NAV2: variants seen among roughly 807,000 people sequenced by gnomAD.
The protein encoded by NAV2 is helicase, APC down-regulated 1.
Under a neutral mutation model 223.2 loss-of-function variants are expected in NAV2, and 54 were observed. The ratio of observed to expected loss-of-function variants is 0.24; its 90% CI spans 0.19 to 0.30. The LOEUF (loss-of-function observed/expected upper bound fraction) is 0.30. Ranked by LOEUF, NAV2 falls within the 10% of genes least tolerant of loss-of-function variation. NAV2 has a pLI of 1.00. For missense variants in NAV2, 2,806 were observed against 3,147.5 expected, an observed-to-expected ratio of 0.89 and a Z score of 2.60; for synonymous variants, 1,279 against 1,239.3, an observed-to-expected ratio of 1.03 and a Z score of -0.67.
At chr11:19,692,212 T>A (rs772265513) in intron 1 of NAV2, among the ~76,000 whole-genome samples, 11 of 152,088 alleles carry the variant, frequency 7.2e-5, no homozygotes, top group Non-Finnish European at 1.2e-4. Flanking sequence ...ACCACCGGGG[T>A]TGCGGGTGTT....
chr11:20,094,053 A>G (rs551774700), intron 29 of NAV2, among the ~76,000 whole-genome samples: 35 of 152,226 alleles, frequency 2.3e-4, no homozygotes, highest in African/African-American at 8.4e-4. Flanking sequence ...TAGGGGATTC[A>G]GCTTTGCGGC....
chr11:19,700,444 G>A (rs979469537), intron 1 of NAV2, among the ~76,000 whole-genome samples: 1 of 152,124 alleles, frequency 6.6e-6, no homozygotes. Context: ...ACCAGCAGAG[G>A]TAAGAAACTG....
At chr11:19,547,664 A>T (rs1326655987) in intron 1 of NAV2, among the ~76,000 whole-genome samples, 2 of 151,888 alleles carry the variant, frequency 1.3e-5, no homozygotes, top group African/African-American at 2.4e-5. Context: ...AATGGAAGGG[A>T]GTGGGGGCTG....
intron 11 of NAV2, among the ~76,000 whole-genome samples, chr11:20,009,097 T>C (rs1416485921): frequency 6.6e-6 from 1 of 152,106 alleles, no homozygotes; most frequent in African/African-American, 2.4e-5. Context: ...GGCTAGGAAT[T>C]TGGAATTCCT....
At chr11:19,889,454 C>T (rs1007127229) in intron 5 of NAV2, among the ~76,000 whole-genome samples, 1 of 152,184 alleles carries the variant, frequency 6.6e-6, no homozygotes, top group Non-Finnish European at 1.5e-5. Flanking sequence ...GCTGTCCTGA[C>T]TAGAGTGTAG....
At chr11:19,427,670 C>T (rs999623333) in intron 1 of NAV2, among the ~76,000 whole-genome samples, 1 of 152,092 alleles carries the variant, frequency 6.6e-6, no homozygotes, top group African/African-American at 2.4e-5. Context: ...ACAGCCATGC[C>T]AACAGTGTAT....
intron 4 of NAV2, among the ~76,000 whole-genome samples, chr11:19,871,892 G>A (rs891235374): frequency 2.6e-5 from 4 of 152,120 alleles, no homozygotes; most frequent in African/African-American, 9.7e-5. Context: ...TTGACTTCAA[G>A]GGGCCCAAGG....
intron 10 of NAV2, among the ~76,000 whole-genome samples, chr11:19,983,827 T>C (rs747469428): frequency 6.6e-5 from 10 of 152,250 alleles, no homozygotes; most frequent in African/African-American, 2.4e-4. Context: ...CATGAATCCA[T>C]GTGACAGTTA....
rs748748011 is a variant in NAV2 at position 19,577,480 on chromosome 11, C to T, written c.75+226453C>T. Among the ~76,000 whole-genome samples the T allele has an allele frequency of 7.9e-5, 12 of 152,374 alleles. No homozygotes were observed. In the South Asian group the frequency reaches 8.3e-4, roughly 11 times the overall value. On this transcript the variant is annotated intron_variant, in intron 1 of 37. Transcript: ENST00000360655. ...CCACCTGGCCTCTGGGCCCTGACCC[C>T]GGCTCCTCCTGGGCCCCCTAGATGC... is the stretch of plus-strand genomic sequence containing the variant.
At chr11:20,002,039 C>A (rs1227182676) in intron 11 of NAV2, among the ~76,000 whole-genome samples, 2 of 152,128 alleles carry the variant, frequency 1.3e-5, no homozygotes, top group East Asian at 3.9e-4. Flanking sequence ...TGGTCGAGTT[C>A]TGATGAAGGC....
chr11:19,895,196 G>C (rs2041874304), intron 6 of NAV2, among the ~76,000 whole-genome samples: 1 of 136,444 alleles, frequency 7.3e-6, no homozygotes, highest in Non-Finnish European at 1.5e-5. Flanking sequence ...CCTGCCAAGT[G>C]GCTGGGATTA....
intron 1 of NAV2, among the ~76,000 whole-genome samples, chr11:19,656,116 G>A (rs985780932): frequency 6.6e-6 from 1 of 152,170 alleles, no homozygotes; most frequent in Non-Finnish European, 1.5e-5. Flanking sequence ...ATCTTGCTGT[G>A]CTATGGTTAT....
intron 1 of NAV2, among the ~76,000 whole-genome samples, chr11:19,394,752 G>A (rs10766547): frequency 0.61 from 92,589 of 151,976 alleles, 30,600 homozygotes; most frequent in Admixed American, 0.75. Flanking sequence ...AAACAGTGTG[G>A]GTAAAACCCC....
chr11:19,889,582 T>C (rs1284362207), intron 5 of NAV2, among the ~76,000 whole-genome samples: 1 of 152,162 alleles, frequency 6.6e-6, no homozygotes, highest in Non-Finnish European at 1.5e-5. Flanking sequence ...CCTCAAGAAC[T>C]CCTTCTCCAT....
chr11:19,994,476 G>A lies in NAV2; in HGVS notation c.2768+10229G>A, dbSNP rs12276727. Among the ~76,000 whole-genome samples, 873 of 152,076 alleles carry A rather than the reference G, an allele frequency of 5.7e-3. 13 individuals are homozygous for A. Among genetic ancestry groups the A allele is most frequent in the African/African-American group, 0.019 (806 of 41,464 alleles). On this transcript the variant is annotated intron_variant, in intron 11 of 37. Transcript: ENST00000349880. ...ACAGGAGAATCGCTTGAACCGGGAGGTGGAGGTTGCAGTGAGCCCAGATCA... is the reference window on the plus strand; with the variant it reads ...ACAGGAGAATCGCTTGAACCGGGAGATGGAGGTTGCAGTGAGCCCAGATCA...
At chr11:19,473,500 A>G (rs2042027167) in intron 1 of NAV2, among the ~76,000 whole-genome samples, 1 of 152,204 alleles carries the variant, frequency 6.6e-6, no homozygotes, top group Non-Finnish European at 1.5e-5. Flanking sequence ...ATGACACTGA[A>G]GTTCACTTTC....
intron 1 of NAV2, among the ~76,000 whole-genome samples, chr11:19,714,770 TCCAGA>T (rs2050153859): frequency 2.0e-5 from 3 of 152,140 alleles, no homozygotes; most frequent in African/African-American, 7.2e-5. Flanking sequence ...AGAGCCTGCA[TCCAGA>T]CAAGCCCTGG....
At chr11:19,745,673 A>T (rs1230061245) in intron 1 of NAV2, among the ~76,000 whole-genome samples, 1 of 152,152 alleles carries the variant, frequency 6.6e-6, no homozygotes, top group Non-Finnish European at 1.5e-5. Flanking sequence ...TTTCGGGATG[A>T]AACTTTTGCA....
chr11:20,110,341 T>C (rs528828217), intron 36 of NAV2, among the ~76,000 whole-genome samples: 1 of 152,344 alleles, frequency 6.6e-6, no homozygotes, highest in East Asian at 1.9e-4. Context: ...AGACTGCGGA[T>C]TCCTGCGGAA....
Sources: gnomAD v4.1 joint callset for allele counts (sites outside exome capture counted in the v4.1 genomes callset) on GRCh38, gnomAD v4.1.1 for gene constraint, MANE v1.5 for transcripts, NCBI Gene and HGNC (gene_info 2026-07-23, HGNC 2026-07-21) for gene names.